The following PPM1H variants were observed in gnomAD, a reference collection of about 807,000 sequenced individuals.
PPM1H encodes the protein protein phosphatase 1H.
Under a neutral mutation model 54.9 loss-of-function variants are expected in PPM1H, and 27 were observed. The ratio of observed to expected loss-of-function variants is 0.49; its 90% confidence interval spans 0.36 to 0.68. The LOEUF (loss-of-function observed/expected upper bound fraction) is 0.68, where lower values mean the gene tolerates loss of function less well. PPM1H is among the 30% of genes least tolerant of loss of function. The pLI is 0.00. For missense variants in PPM1H, 596 were observed against 667.8 expected (o/e 0.89, Z 1.19); for synonymous variants, 305 against 270.8 (o/e 1.13, Z -1.24).
chr12:62,934,512 G>A lies in PPM1H; in HGVS notation c.225C>T (p.Pro75=). Residue 75 remains proline, a synonymous_variant, in exon 1 of 10, where the codon CCC becomes CCT. Transcript: ENST00000228705. The surrounding 1 kb of genome is among the most constrained non-coding windows in gnomAD (Gnocchi z 4.2). ...ILILKETRRL[P]WATGYAEVIN... ...CTCACTCTGCGTAGCCAGTGGCCCA[G>A]GGCAGCCGCCGAGTCTCCTTGAGGA... The A allele has an allele frequency of 6.5e-7, 1 of 1,548,002 alleles. No homozygotes were observed. The highest frequency in any genetic ancestry group is 8.7e-7 in the Non-Finnish European group (1 of 1,146,844).
At chr12:62,743,376 T>C (rs1479167752) in intron 4 of PPM1H, among the ~76,000 whole-genome samples, 2 of 151,972 alleles carry the variant, frequency 1.3e-5, no homozygotes, top group African/African-American at 4.8e-5. Flanking sequence ...AAACTCCCCC[T>C]GGTCCCTGCC....
chr12:62,701,684 T>C (rs533789575), intron 6 of PPM1H, among the ~76,000 whole-genome samples: 1 of 151,512 alleles, frequency 6.6e-6, no homozygotes, highest in Admixed American at 6.6e-5. Context: ...TTGTTTGTTT[T>C]TTTTTTTTGA....
chr12:62,741,804 G>C (rs2076382430), intron 4 of PPM1H, among the ~76,000 whole-genome samples: 1 of 152,178 alleles, frequency 6.6e-6, no homozygotes, highest in Non-Finnish European at 1.5e-5. Flanking sequence ...TGCAACAATT[G>C]CTTGCTGATG....
In PPM1H at chr12:62,645,511, G is replaced by T. The variant is rs1406941894; in HGVS notation, c.*2978C>A. ...CAGCAGATAGGTATGCATAACCACAGCAGAACACACCCTCCACCTCTCTGA... is the reference window on the plus strand; with the variant it reads ...CAGCAGATAGGTATGCATAACCACATCAGAACACACCCTCCACCTCTCTGA... On this transcript the variant is annotated 3_prime_UTR_variant, in exon 10 of 10. Coordinates refer to ENST00000228705, the MANE Select transcript of PPM1H (RefSeq NM_020700.2). 1 of 152,354 alleles carries T rather than the reference G, an allele frequency of 6.6e-6. No individual in the cohort carries two copies. The highest frequency in any genetic ancestry group is 1.5e-5 in the Non-Finnish European group (1 of 68,162). 9.4% of individuals were successfully genotyped at this position (152,354 alleles called of 1,614,324 possible). A position where few individuals can be genotyped will look rare whatever the true frequency, so the allele number is the denominator to read the frequency against.
At chr12:62,704,243 G>A (rs2120393963) in intron 6 of PPM1H, among the ~76,000 whole-genome samples, 1 of 152,210 alleles carries the variant, frequency 6.6e-6, no homozygotes, top group South Asian at 2.1e-4. Flanking sequence ...CAGTCCCCAG[G>A]GTGAGTCTGA....
chr12:62,699,772 C>T (rs969208122), intron 6 of PPM1H, among the ~76,000 whole-genome samples: 1 of 152,196 alleles, frequency 6.6e-6, no homozygotes, highest in South Asian at 2.1e-4. Flanking sequence ...GTCCAAAAGG[C>T]TGAGAGAAGA....
chr12:62,661,422 A>T (rs1388476746), intron 9 of PPM1H, among the ~76,000 whole-genome samples: 1 of 152,174 alleles, frequency 6.6e-6, no homozygotes, highest in Non-Finnish European at 1.5e-5. Flanking sequence ...ATTTTTTGAG[A>T]CAGGGTCTCG....
chr12:62,845,577 C>T (rs1868935165), intron 1 of PPM1H, among the ~76,000 whole-genome samples: 1 of 152,150 alleles, frequency 6.6e-6, no homozygotes, highest in Non-Finnish European at 1.5e-5. Flanking sequence ...CCAACTAGAC[C>T]TTTAATACGG....
intron 5 of PPM1H, among the ~76,000 whole-genome samples, chr12:62,731,154 G>GA (rs1204593040): frequency 2.0e-5 from 3 of 152,058 alleles, no homozygotes; most frequent in African/African-American, 7.2e-5. Context: ...ATTGTAAACA[G>GA]AAAAAAATGC....
intron 1 of PPM1H, among the ~76,000 whole-genome samples, chr12:62,922,579 G>C (rs775055417): frequency 2.0e-5 from 3 of 152,102 alleles, no homozygotes; most frequent in Non-Finnish European, 4.4e-5. Flanking sequence ...CTAAATATGA[G>C]AGCATAAAGT....
At chr12:62,851,958 G>A (rs1162262112) in intron 1 of PPM1H, among the ~76,000 whole-genome samples, 2 of 150,938 alleles carry the variant, frequency 1.3e-5, no homozygotes, top group Non-Finnish European at 3.0e-5. Flanking sequence ...GGATGGCCGG[G>A]CGCGGTGGCT....
intron 8 of PPM1H, among the ~76,000 whole-genome samples, chr12:62,675,263 T>G (rs1207253368): frequency 6.6e-6 from 1 of 152,186 alleles, no homozygotes; most frequent in Non-Finnish European, 1.5e-5. Flanking sequence ...ATATGAGGTA[T>G]TGTGCAGAGA....
chr12:62,822,515 T>C (rs1374544667), intron 2 of PPM1H, among the ~76,000 whole-genome samples: 1 of 152,152 alleles, frequency 6.6e-6, no homozygotes, highest in Non-Finnish European at 1.5e-5. Context: ...TTAACAAATG[T>C]AAAAGAACAG....
At chr12:62,810,458 A>G (rs1267946506) in intron 2 of PPM1H, among the ~76,000 whole-genome samples, 1 of 152,184 alleles carries the variant, frequency 6.6e-6, no homozygotes, top group Non-Finnish European at 1.5e-5. Context: ...TATGAAACTC[A>G]CTGTCTCCCT....
chr12:62,746,553 AG>A lies in PPM1H; in HGVS notation c.870-8968del, dbSNP rs1474816112. On this transcript the variant is annotated intron_variant, in intron 4 of 9. Transcript: ENST00000228705. ...TATGGAGGTAGCAGCAGGATGGGAAAGCCACCTCCCCTTCATACATCACTAC... is the reference window on the plus strand; with the variant it reads ...TATGGAGGTAGCAGCAGGATGGGAAACCACCTCCCCTTCATACATCACTAC... Among the ~76,000 whole-genome samples, 2 of 152,158 alleles carry A rather than the reference AG, an allele frequency of 1.3e-5. 1 individual carries two copies. Among genetic ancestry groups the A allele is most frequent in the African/African-American group, 4.8e-5 (2 of 41,446 alleles).
chr12:62,667,398 T>G (rs761850605), intron 8 of PPM1H, 69 bp from the exon 9 acceptor site: 3 of 1,334,152 alleles, frequency 2.2e-6, no homozygotes, highest in Non-Finnish European at 2.0e-6. Context: ...CAAACTGACT[T>G]CTGATTCCCC....
At chr12:62,904,118 C>A (rs914457041) in intron 1 of PPM1H, among the ~76,000 whole-genome samples, 1 of 151,726 alleles carries the variant, frequency 6.6e-6, no homozygotes, top group Non-Finnish European at 1.5e-5. Flanking sequence ...TGTAGGGAAC[C>A]GAGATACCAT....
At chr12:62,808,712 A>G (rs1049105840) in intron 2 of PPM1H, among the ~76,000 whole-genome samples, 1 of 152,072 alleles carries the variant, frequency 6.6e-6, no homozygotes, top group Non-Finnish European at 1.5e-5. Context: ...CTCAGCTTAA[A>G]TATCATCTCC....
At chr12:62,879,198 T>A (rs1386444925) in intron 1 of PPM1H, among the ~76,000 whole-genome samples, 1 of 152,204 alleles carries the variant, frequency 6.6e-6, no homozygotes, top group Non-Finnish European at 1.5e-5. Flanking sequence ...TCCTTCTCTA[T>A]CCTCCTCTGG....
Sources: allele counts gnomAD v4.1 joint callset (sites outside exome capture counted in the v4.1 genomes callset), GRCh38; gene constraint gnomAD v4.1.1; non-coding constraint Gnocchi (gnomAD v3.1); transcripts MANE v1.5; gene names NCBI Gene and HGNC (gene_info 2026-07-23, HGNC 2026-07-21).